The following HSD17B3 variants were observed in gnomAD, a reference collection of about 807,000 sequenced individuals.
The protein encoded by HSD17B3 is hydroxysteroid 17-beta dehydrogenase 3.
HSD17B3 carries 29 observed loss-of-function variants against 41.1 expected under a neutral mutation model. The observed-to-expected ratio is 0.71, with a 90% CI of 0.53 to 0.96. The LOEUF is 0.96. HSD17B3 is among the 40% of genes least tolerant of loss of function. The pLI is 0.00. For synonymous variants in HSD17B3, 126 were observed against 145.6 expected, an observed-to-expected ratio of 0.87 and a Z score of 0.97; for missense variants, 323 against 374.6, an observed-to-expected ratio of 0.86 and a Z score of 1.14.
At chr9:96,281,510 G>T (rs1353866469) in intron 2 of HSD17B3, among the ~76,000 whole-genome samples, 1 of 152,160 alleles carries the variant, frequency 6.6e-6, no homozygotes, top group Non-Finnish European at 1.5e-5. Context: ...AGGAGGGTTA[G>T]AGTCCCTTCT....
intron 2 of HSD17B3, among the ~76,000 whole-genome samples, chr9:96,273,713 A>G (rs368257669): frequency 1.3e-4 from 20 of 152,308 alleles, no homozygotes; most frequent in African/African-American, 4.6e-4. Flanking sequence ...CCCATGAGGG[A>G]AAAAGGAGAA....
chr9:96,282,147 A>G (rs1040354887), intron 2 of HSD17B3, among the ~76,000 whole-genome samples: 2 of 152,140 alleles, frequency 1.3e-5, no homozygotes, highest in Non-Finnish European at 2.9e-5. Context: ...TTGACCTTGT[A>G]ACCATATGGC....
chr9:96,250,489 C>T (rs1836853188), intron 5 of HSD17B3: 1 of 1,054,902 alleles, frequency 9.5e-7, no homozygotes, highest in Non-Finnish European at 1.1e-6. Flanking sequence ...GGGATACCTG[C>T]AGAAGTGGGG....
chr9:96,263,727 C>CA (rs1003597681), intron 2 of HSD17B3, among the ~76,000 whole-genome samples: 9 of 150,190 alleles, frequency 6.0e-5, no homozygotes, highest in Non-Finnish European at 7.4e-5. Context: ...AGACTCCTGT[C>CA]AAAAAAAATA....
At chr9:96,297,266 G>C (rs1267473181) in intron 2 of HSD17B3, among the ~76,000 whole-genome samples, 1 of 147,644 alleles carries the variant, frequency 6.8e-6, no homozygotes. Flanking sequence ...TATGTTAACT[G>C]TATTTCTAGG....
chr9:96,254,883 T>A lies in HSD17B3; in HGVS notation c.262A>T (p.Ile88Phe), dbSNP rs750133798. 1.2e-6 allele frequency: 2 copies of A among 1,614,048 alleles called. No individual in the cohort carries two copies. Among genetic ancestry groups the A allele is most frequent in the Non-Finnish European group, 8.5e-7 (1 of 1,179,940 alleles). ...ISRTLEKLEA[I>F]ATEIERTTGR... ...GGTCACTCACCGATCTCTGTGGCAA[T>A]GGCCTCTAGTTTTTCCAGCGTCCGG... Residue 88 changes from isoleucine to phenylalanine, a missense_variant, in exon 3 of 11, where the codon ATT becomes TTT. Physicochemically the swap from Ile to Phe is conservative, Grantham distance 21. Coordinates refer to ENST00000375263, the MANE Select transcript of HSD17B3 (RefSeq NM_000197.2).
chr9:96,293,368 G>A (rs1465893181), intron 2 of HSD17B3, among the ~76,000 whole-genome samples: 2 of 152,116 alleles, frequency 1.3e-5, no homozygotes, highest in African/African-American at 4.8e-5. Flanking sequence ...GGAGGAACAG[G>A]GAATTCTGTC....
rs1466273069 is a variant in HSD17B3, at chr9:96,254,955, A to G, written c.202-12T>C. On this transcript the variant is annotated splice_polypyrimidine_tract_variant and intron_variant, in intron 2 of 10. Coordinates refer to ENST00000375263, the MANE Select transcript of HSD17B3 (RefSeq NM_000197.2). ...CCACGTTTTGCTAGCTGAGAGTGGGAGTGAAAAACCAAGAGACAAGGATGA... is the reference window on the plus strand; with the variant it reads ...CCACGTTTTGCTAGCTGAGAGTGGGGGTGAAAAACCAAGAGACAAGGATGA... The G allele has an allele frequency of 6.2e-7, 1 of 1,611,994 alleles. No homozygotes were observed. The highest frequency in any genetic ancestry group is 1.3e-5 in the African/African-American group (1 of 74,990).
rs1347861922 is a variant in HSD17B3, at chr9:96,240,974, C to T, written c.673-67G>A. ...CCCAGGAAGAAGACTCAGAAATTAA[C>T]ACTCAAGCCCCCATCCCACCATTTC... On this transcript the variant is annotated intron_variant, in intron 9 of 10. Coordinates refer to ENST00000375263, the MANE Select transcript of HSD17B3 (RefSeq NM_000197.2). The T allele has an allele frequency of 1.2e-5, 19 of 1,581,562 alleles. No homozygotes were observed. The Admixed American group carries it at 1.8e-4, about 15-fold the overall frequency.
Position 96,241,948 on chromosome 9 carries a change from AG to A in HSD17B3, c.673-1042del, listed in dbSNP as rs1318710483. On this transcript the variant is annotated intron_variant, in intron 9 of 10. Transcript: ENST00000375263. ...GTGAAACCCTGTCAAAAAAAAAAAAAGAAAAGAACAGAAAAAGAAAGAAAGA... is the reference window on the plus strand; with the variant it reads ...GTGAAACCCTGTCAAAAAAAAAAAAAAAAAGAACAGAAAAAGAAAGAAAGA... Among the ~76,000 whole-genome samples, 284 of 146,252 alleles carry A rather than the reference AG, an allele frequency of 1.9e-3. 1 individual carries two copies. Among genetic ancestry groups the A allele is most frequent in the Middle Eastern group, 6.9e-3 (2 of 290 alleles).
At chr9:96,291,640 T>C (rs1827162846) in intron 2 of HSD17B3, among the ~76,000 whole-genome samples, 1 of 152,164 alleles carries the variant, frequency 6.6e-6, no homozygotes, top group Middle Eastern at 3.2e-3. Context: ...ATTAGAATTA[T>C]CTGACAAGGT....
intron 6 of HSD17B3, 22 bp from the exon 7 acceptor site, chr9:96,246,612 A>G (rs778116351): frequency 3.1e-6 from 5 of 1,613,126 alleles, no homozygotes; most frequent in African/African-American, 2.7e-5. Flanking sequence ...GGCCAAAGGT[A>G]AGCCCGACAA....
intron 2 of HSD17B3, chr9:96,256,078 C>A (rs547321814): frequency 6.6e-6 from 1 of 152,164 alleles, no homozygotes. Flanking sequence ...TTCGTTTAAA[C>A]AGAGACGGAT....
At chr9:96,264,545 G>A (rs952135235) in intron 2 of HSD17B3, among the ~76,000 whole-genome samples, 1 of 152,104 alleles carries the variant, frequency 6.6e-6, no homozygotes, top group African/African-American at 2.4e-5. Flanking sequence ...TTTGTTTGTT[G>A]TATTTTTAGT....
At chr9:96,275,521 A>T (rs1272927284) in intron 2 of HSD17B3, among the ~76,000 whole-genome samples, 1 of 152,080 alleles carries the variant, frequency 6.6e-6, no homozygotes, top group Non-Finnish European at 1.5e-5. Context: ...TGGAGGTTGC[A>T]GTGAGCCAAG....
chr9:96,293,178 C>T (rs1450890062), intron 2 of HSD17B3, among the ~76,000 whole-genome samples: 1 of 152,190 alleles, frequency 6.6e-6, no homozygotes, highest in African/African-American at 2.4e-5. Flanking sequence ...TGTGTTTCAA[C>T]TTGACTAGGT....
chr9:96,249,863 A>G lies in HSD17B3; in HGVS notation c.454-77T>C. ...CCTGGAAAGTAGTTGGTGCTAAAGA[A>G]CCATGAAGTGGGCAAAAGTGCATGT... is the stretch of plus-strand genomic sequence containing the variant. On this transcript the variant is annotated intron_variant, in intron 5 of 10. Transcript: ENST00000375263. 7 of 1,612,350 alleles carry G rather than the reference A, an allele frequency of 4.3e-6. No homozygotes were observed. In the Admixed American group the frequency reaches 1.0e-4, roughly 23 times the overall value.
At chr9:96,247,946 T>A (rs1836738411) in intron 6 of HSD17B3, among the ~76,000 whole-genome samples, 1 of 152,228 alleles carries the variant, frequency 6.6e-6, no homozygotes, top group Non-Finnish European at 1.5e-5. Context: ...CATGGTTCAC[T>A]GGGGCGTGGT....
chr9:96,236,225 G>A (rs1172055320), intron 10 of HSD17B3, among the ~76,000 whole-genome samples: 1 of 151,794 alleles, frequency 6.6e-6, no homozygotes, highest in African/African-American at 2.4e-5. Context: ...CTGTTAAAAT[G>A]AGGATCCTGG....
Sources: allele counts gnomAD v4.1 joint callset (sites outside exome capture counted in the v4.1 genomes callset), GRCh38; gene constraint gnomAD v4.1.1; transcripts MANE v1.5; gene names NCBI Gene and HGNC (gene_info 2026-07-23, HGNC 2026-07-21).